SPIB: variants seen among roughly 807,000 people sequenced by gnomAD.
SPIB encodes the protein Spi-B transcription factor, also known as transcription factor Spi-B.
SPIB carries 7 observed loss-of-function variants against 31.9 expected under a neutral mutation model. The ratio of observed to expected loss-of-function variants is 0.22; its 90% CI spans 0.12 to 0.41. The LOEUF is 0.41. Among genes scored for constraint, SPIB ranks in the 10% least tolerant of loss-of-function variants. SPIB has a pLI of 1.00. For missense variants in SPIB, 327 were observed against 360.2 expected, an observed-to-expected ratio of 0.91 and a Z score of 0.75; for synonymous variants, 176 against 158.9, an observed-to-expected ratio of 1.11 and a Z score of -0.81.
Position 50,423,654 on chromosome 19 carries a change from A to C in SPIB, c.389A>C (p.Glu130Ala). The change falls in exon 5 of 6, where the codon GAG (glutamate) becomes GCG (alanine). Residue 130 changes from glutamate to alanine, a missense_variant. Physicochemically the swap from Glu to Ala is moderately radical, Grantham distance 107 (BLOSUM62 -1). This residue lies in a region of SPIB where 238 missense variants were observed against 228.8 expected (regional missense o/e 1.04). Coordinates refer to ENST00000595883, the MANE Select transcript of SPIB (RefSeq NM_003121.5). ...YAPYPSPVLS[E>A]EEDLPLDSPA... ...CCGTACCCCAGCCCTGTGCTATCAG[A>C]GGAGGAAGACTTACCGTTGGACAGC... 6.2e-7 allele frequency: 1 copy of C among 1,614,040 alleles called. No homozygotes were observed. Among genetic ancestry groups the C allele is most frequent in the Non-Finnish European group, 8.5e-7 (1 of 1,180,006 alleles).
In SPIB at chr19:50,428,531, C is replaced by G; in HGVS notation, c.*195C>G. On this transcript the variant is annotated 3_prime_UTR_variant, in exon 6 of 6. Coordinates refer to ENST00000595883, the MANE Select transcript of SPIB (RefSeq NM_003121.5). The surrounding 1 kb of genome is among the most constrained non-coding windows in gnomAD (Gnocchi z 6.5). ...GCCTGTCTGGGATTCCCCACTTGTGCCTGGGGTCCTCTGGGATTTCTTTGT... is the reference window on the plus strand; with the variant it reads ...GCCTGTCTGGGATTCCCCACTTGTGGCTGGGGTCCTCTGGGATTTCTTTGT... The G allele has an allele frequency of 2.1e-6, 1 of 480,394 alleles. No individual in the cohort carries two copies. Among genetic ancestry groups the G allele is most frequent in the Non-Finnish European group, 3.2e-6 (1 of 315,602 alleles). 29.8% of individuals were successfully genotyped at this position (480,394 alleles called of 1,614,324 possible).
chr19:50,423,118 C>A, intron 4 of SPIB, 81 bp downstream of exon 4: 1 of 688,958 alleles, frequency 1.5e-6, no homozygotes, highest in Non-Finnish European at 2.4e-6. Context: ...GCTTGAGAGG[C>A]TGAGGTGGGA....
rs553832216 is a variant in SPIB at position 50,418,969 on chromosome 19, G to A, written c.7G>A (p.Ala3Thr). The A allele has an allele frequency of 2.3e-5, 36 of 1,554,008 alleles. No homozygotes were observed. Among genetic ancestry groups the A allele is most frequent in the African/African-American group, 1.8e-4 (13 of 73,298 alleles). Residue 3 changes from alanine (A) to threonine (T), a missense_variant, in exon 1 of 6, where the codon GCC (alanine) becomes ACC (threonine). Transcript: ENST00000595883. This position sits in a 1 kb window ranked among gnomAD's most constrained non-coding sequence, Gnocchi z 6.0. ML[A>T]LEAAQLDGPH... ...CAGCCCGCCCGGCACCACCATGCTC[G>A]CCCTGGAGGCTGCACAGTAAGTGAG...
chr19:50,422,422 G>C, intron 2 of SPIB, 51 bp from the exon 3 acceptor site: 1 of 1,574,088 alleles, frequency 6.4e-7, no homozygotes, highest in Non-Finnish European at 8.7e-7. Flanking sequence ...TGGGGGTTGG[G>C]AGTCCCCAAG....
At chr19:50,423,204 CAAA>C (rs59236153) in intron 4 of SPIB, 167 bp downstream of exon 4, 4,535 of 279,872 alleles carry the variant, frequency 0.016, no homozygotes, top group East Asian at 0.024. Flanking sequence ...GACCCTGTCT[CAAA>C]AAAAAAAAAA....
At chr19:50,419,866 T>C (rs777082964) in intron 1 of SPIB, 80 bp from the exon 2 acceptor site, 2 of 1,437,456 alleles carry the variant, frequency 1.4e-6, no homozygotes, top group South Asian at 2.7e-5. Flanking sequence ...TGCTGCCGCC[T>C]CCCCATCAGC....
At chr19:50,425,083 T>C (rs1036371895) in intron 5 of SPIB, among the ~76,000 whole-genome samples, 1 of 151,876 alleles carries the variant, frequency 6.6e-6, no homozygotes, top group Non-Finnish European at 1.5e-5. Flanking sequence ...CTCGGCCCAC[T>C]GCAACCTCCA....
At chr19:50,421,480 G>T (rs185396773) in intron 2 of SPIB, among the ~76,000 whole-genome samples, 1 of 151,884 alleles carries the variant, frequency 6.6e-6, no homozygotes, top group African/African-American at 2.4e-5. Flanking sequence ...GCACCACCAT[G>T]CCTGGCTAAT....
Position 50,423,721 on chromosome 19 carries a change from C to T in SPIB, c.456C>T (p.Leu152=), listed in dbSNP as rs569305351. 2.1e-4 allele frequency: 336 copies of T among 1,612,432 alleles called. 1 individual carries two copies. In the South Asian group the frequency reaches 3.1e-3, roughly 15 times the overall value. The change falls in exon 5 of 6, where the codon CTC becomes CTT. Residue 152 remains leucine (L), a synonymous_variant. Coordinates refer to ENST00000595883, the MANE Select transcript of SPIB (RefSeq NM_003121.5). ...CGGACAGCGAGTCGGATGAGGCCCT[C>T]GTGGCTGGCCCCGAGGGGAAGGGAT... ...EVSDSESDEA[L]VAGPEGKGSE...
rs771007384 is a variant in SPIB, at chr19:50,422,482, G to A, written c.61G>A (p.Gly21Ser). 2 of 1,613,974 alleles carry A rather than the reference G, an allele frequency of 1.2e-6. No homozygotes were observed. The highest frequency in any genetic ancestry group is 1.1e-5 in the South Asian group (1 of 91,078). Reference protein sequence around the residue: ...GPHFSCLYPDGVFYDLDSCKH... With the variant: ...GPHFSCLYPDSVFYDLDSCKH... ...CTGCACCCCGTATCAGTACCCAGAT[G>A]GCGTCTTCTATGACCTGGACAGCTG... Residue 21 changes from glycine to serine, a missense_variant, in exon 3 of 6, where the codon GGC (glycine) becomes AGC (serine). Gly to Ser is a moderately conservative substitution (Grantham distance 56). Coordinates refer to ENST00000595883, the MANE Select transcript of SPIB (RefSeq NM_003121.5).
At chr19:50,423,901 G>C in intron 5 of SPIB, 146 bp downstream of exon 5, 1 of 962,524 alleles carries the variant, frequency 1.0e-6, no homozygotes, top group Non-Finnish European at 1.5e-6. Flanking sequence ...TGTGACCTTG[G>C]GTAAGTGCCT....
At chr19:50,423,129 G>A in intron 4 of SPIB, 92 bp downstream of exon 4, 1 of 646,970 alleles carries the variant, frequency 1.5e-6, no homozygotes. Context: ...TGAGGTGGGA[G>A]GAGGATTGCT....
chr19:50,425,821 C>G (rs539298821), intron 5 of SPIB, among the ~76,000 whole-genome samples: 1 of 152,102 alleles, frequency 6.6e-6, no homozygotes, highest in Non-Finnish European at 1.5e-5. Context: ...GGTCAGGGAG[C>G]GCAGGCAGGG....
intron 5 of SPIB, among the ~76,000 whole-genome samples, chr19:50,427,590 G>A (rs1601269533): frequency 6.6e-6 from 1 of 152,224 alleles, no homozygotes; most frequent in Non-Finnish European, 1.5e-5. Context: ...ACCCTGTCCC[G>A]CTTTGGGCTG....
intron 5 of SPIB, among the ~76,000 whole-genome samples, chr19:50,427,403 T>C (rs2039578163): frequency 6.6e-6 from 1 of 152,166 alleles, no homozygotes; most frequent in Admixed American, 6.5e-5. Context: ...CAGACGTCTG[T>C]AGTCCCAGGT....
In SPIB at chr19:50,428,385, C is replaced by G. The variant is rs1029478877; in HGVS notation, c.*49C>G. ...GGAGCCGCTGGGGGACCTCACGTCC[C>G]AGCCAGGATCCCCCTGGAAGAAAAA... On this transcript the variant is annotated 3_prime_UTR_variant, in exon 6 of 6. Coordinates refer to ENST00000595883, the MANE Select transcript of SPIB (RefSeq NM_003121.5). The surrounding 1 kb of genome is among the most constrained non-coding windows in gnomAD (Gnocchi z 6.5). The G allele has an allele frequency of 1.3e-6, 2 of 1,482,428 alleles. No individual in the cohort carries two copies. The highest frequency in any genetic ancestry group is 1.3e-5 in the South Asian group (1 of 74,346). 91.8% of individuals were successfully genotyped at this position (1,482,428 alleles called of 1,614,324 possible). A position where few individuals can be genotyped will look rare whatever the true frequency, so the allele number is the denominator to read the frequency against.
At chr19:50,423,315 C>T (rs1235282181) in intron 4 of SPIB, 2 of 506,362 alleles carry the variant, frequency 3.9e-6, no homozygotes, top group African/African-American at 1.9e-5. Flanking sequence ...AGCCCTGCAG[C>T]GGCCTCCCAG....
rs745508816 is a variant in SPIB at position 50,423,009 on chromosome 19, C to CCA, written c.311_312insCA (p.Tyr105AsnfsTer76). 8 of 1,515,524 alleles carry CCA rather than the reference C, an allele frequency of 5.3e-6. No individual in the cohort carries two copies. Among genetic ancestry groups the CCA allele is most frequent in the South Asian group, 1.3e-5 (1 of 79,148 alleles). 93.9% of individuals were successfully genotyped at this position (1,515,524 alleles called of 1,614,324 possible). A position where few individuals can be genotyped will look rare whatever the true frequency, so the allele number is the denominator to read the frequency against. On this transcript the variant is annotated frameshift_variant, in exon 4 of 6. Coordinates refer to ENST00000595883, the MANE Select transcript of SPIB (RefSeq NM_003121.5). LOFTEE classifies it high-confidence loss of function. ...GAGGCCCCGGGGCCTGGCCTCCCTG[C>CCA]ATACCCCACGGAGAACTTCGCTAGC...
chr19:50,423,552 G>C, intron 4 of SPIB, 53 bp from the exon 5 acceptor site: 1 of 1,590,260 alleles, frequency 6.3e-7, no homozygotes, highest in Non-Finnish European at 8.6e-7. Flanking sequence ...AGAGGAGGAA[G>C]TGGAGGGAGA....
Sources: allele counts gnomAD v4.1 joint callset (sites outside exome capture counted in the v4.1 genomes callset), GRCh38; gene constraint gnomAD v4.1.1; regional missense constraint gnomAD v4.1.1; non-coding constraint Gnocchi (gnomAD v3.1); transcripts MANE v1.5; gene names NCBI Gene and HGNC (gene_info 2026-07-23, HGNC 2026-07-21).